LRBA: variants seen among roughly 807,000 people sequenced by gnomAD.
The protein encoded by LRBA is lipopolysaccharide-responsive and beige-like anchor protein.
LRBA carries 176 observed loss-of-function variants against 330.0 expected under a neutral mutation model. The ratio of observed to expected loss-of-function variants is 0.53; its 90% confidence interval spans 0.47 to 0.60. The LOEUF is 0.60. Among genes scored for constraint, LRBA ranks in the 20% least tolerant of loss-of-function variants. The probability of loss-of-function intolerance (pLI) is 0.00; values close to 1 mark genes in which losing one functional copy is unlikely to be tolerated. For missense variants in LRBA, 3,259 were observed against 3,444.8 expected, an observed-to-expected ratio of 0.95 and a Z score of 1.35; for synonymous variants, 1,230 against 1,193.0, an observed-to-expected ratio of 1.03 and a Z score of -0.64.
At chr4:150,509,439 T>G (rs573477249) in intron 40 of LRBA, among the ~76,000 whole-genome samples, 1 of 152,076 alleles carries the variant, frequency 6.6e-6, no homozygotes, top group East Asian at 1.9e-4. Flanking sequence ...TAAATGCATA[T>G]ATTAATGTGA....
chr4:150,456,190 G>A (rs759197490), intron 44 of LRBA, among the ~76,000 whole-genome samples: 1 of 152,120 alleles, frequency 6.6e-6, no homozygotes, highest in Non-Finnish European at 1.5e-5. Flanking sequence ...TATACACCTA[G>A]AAGTGGAATT....
chr4:150,831,942 G>T lies in LRBA; in HGVS notation c.4604C>A (p.Ala1535Glu). ...DSKQAQFLAL[A>E]VVYFISVLMV... The stretch of plus-strand genomic sequence containing the variant: ...AAGAACAGAGATAAAGTATACTACT[G>T]CCAAGGCTAAAAATTGAGCTTGTTT... The change falls in exon 29 of 57, where the codon GCA becomes GAA. Residue 1535 changes from alanine to glutamate, a missense_variant. Physicochemically the swap from Ala to Glu is moderately radical, Grantham distance 107. Coordinates refer to ENST00000651943, the MANE Select transcript of LRBA (RefSeq NM_001364905.1). The T allele has an allele frequency of 6.5e-7, 1 of 1,549,654 alleles. No individual in the cohort carries two copies. The highest frequency in any genetic ancestry group is 1.3e-5 in the South Asian group (1 of 78,272).
At chr4:150,702,574 T>C (rs983638135) in intron 36 of LRBA, among the ~76,000 whole-genome samples, 10 of 152,210 alleles carry the variant, frequency 6.6e-5, no homozygotes, top group African/African-American at 2.2e-4. Flanking sequence ...GAACCTCATA[T>C]TATTACAAAG....
chr4:150,941,251 C>T (rs1203217303), intron 2 of LRBA, among the ~76,000 whole-genome samples: 1 of 152,056 alleles, frequency 6.6e-6, no homozygotes, highest in Non-Finnish European at 1.5e-5. Context: ...CTCCTGGGTT[C>T]AAGCGATTCT....
intron 51 of LRBA, among the ~76,000 whole-genome samples, chr4:150,313,104 A>C (rs985873979): frequency 2.6e-5 from 4 of 152,142 alleles, no homozygotes; most frequent in African/African-American, 9.6e-5. Context: ...AATTTTGCAA[A>C]CACATTTTTA....
intron 36 of LRBA, among the ~76,000 whole-genome samples, chr4:150,719,312 A>G (rs1413328240): frequency 6.6e-6 from 1 of 151,912 alleles, no homozygotes; most frequent in Non-Finnish European, 1.5e-5. Flanking sequence ...CCACCACCAC[A>G]ATCACTAAAT....
chr4:150,740,426 A>G (rs573103271), intron 35 of LRBA, among the ~76,000 whole-genome samples: 2 of 152,120 alleles, frequency 1.3e-5, no homozygotes, highest in Non-Finnish European at 2.9e-5. Flanking sequence ...AAAAATCCAA[A>G]AGAAAAATGT....
chr4:150,448,256 C>T (rs1752854039), intron 44 of LRBA, among the ~76,000 whole-genome samples: 1 of 152,140 alleles, frequency 6.6e-6, no homozygotes, highest in Non-Finnish European at 1.5e-5. Flanking sequence ...GTGGCAATTT[C>T]GGTACCACAA....
At chr4:150,921,874 C>A (rs546115020) in intron 4 of LRBA, among the ~76,000 whole-genome samples, 29 of 152,204 alleles carry the variant, frequency 1.9e-4, no homozygotes, top group African/African-American at 6.7e-4. Context: ...TACAGGTGCA[C>A]GCCACCACAC....
chr4:150,583,145 C>T lies in LRBA; in HGVS notation c.6330+4903G>A. ...ATCCGAGAGGTCTGTAAGGTGGTCT[C>T]GGACGTGCTCAAGGAAGTGGAGGTG... On this transcript the variant is annotated intron_variant, in intron 40 of 56. Coordinates refer to ENST00000651943, the MANE Select transcript of LRBA (RefSeq NM_001364905.1). The surrounding 1 kb of genome is among the most constrained non-coding windows in gnomAD (Gnocchi z 9.8). The T allele has an allele frequency of 1.2e-6, 2 of 1,614,184 alleles. No homozygotes were observed. The highest frequency in any genetic ancestry group is 1.7e-6 in the Non-Finnish European group (2 of 1,180,012).
At position 150,852,748 on chromosome 4, in the gene LRBA, T is replaced by C. The variant is rs147617706; in HGVS notation, c.2962A>G (p.Asn988Asp). Residue 988 changes from asparagine (N) to aspartate (D), a missense_variant, in exon 23 of 57, where the codon AAT becomes GAT. Physicochemically the swap from Asn to Asp is conservative, Grantham distance 23. Transcript: ENST00000651943. ...DSPVCPHFTTNGNENSSIEKT... is the reference protein window; with the variant it reads ...DSPVCPHFTTDGNENSSIEKT... ...TCTATACTTGAATTTTCATTACCAT[T>C]TGTGGTGAAATGAGGACAGACAGGA... is the stretch of plus-strand genomic sequence containing the variant. 5.6e-6 allele frequency: 9 copies of C among 1,613,820 alleles called. No individual in the cohort carries two copies. The highest frequency in any genetic ancestry group is 2.7e-5 in the African/African-American group (2 of 74,914).
intron 36 of LRBA, 138 bp downstream of exon 36, chr4:150,735,120 C>T: frequency 1.5e-6 from 1 of 665,316 alleles, no homozygotes; most frequent in Non-Finnish European, 2.7e-6. Context: ...ACCCCCATGA[C>T]TCTCCTATAA....
chr4:150,941,643 T>C (rs1405390167), intron 2 of LRBA, among the ~76,000 whole-genome samples: 1 of 152,108 alleles, frequency 6.6e-6, no homozygotes, highest in African/African-American at 2.4e-5. Context: ...TCCCAGCACT[T>C]TGGGAGGCAG....
chr4:150,629,042 C>G (rs565733822), intron 37 of LRBA, among the ~76,000 whole-genome samples: 54 of 152,144 alleles, frequency 3.5e-4, no homozygotes, highest in African/African-American at 9.9e-4. Flanking sequence ...GACTACAGCT[C>G]AATGTCACCA....
chr4:150,857,242 A>C (rs1416071194), intron 22 of LRBA, among the ~76,000 whole-genome samples: 2 of 152,134 alleles, frequency 1.3e-5, no homozygotes, highest in Non-Finnish European at 2.9e-5. Context: ...AATGATTGCC[A>C]CCACATTAAT....
chr4:150,852,715 T>C lies in LRBA; in HGVS notation c.2995A>G (p.Ser999Gly). Reference protein sequence around the residue: ...GNENSSIEKTSSLESASNIEL... With the variant: ...GNENSSIEKTGSLESASNIEL... ...ATATTAGATGCAGATTCTAGTGAAC[T>C]TGTCTTCTCTATACTTGAATTTTCA... is the stretch of plus-strand genomic sequence containing the variant. Residue 999 changes from serine to glycine, a missense_variant, in exon 23 of 57, where the codon AGT (serine) becomes GGT (glycine). By Grantham distance (56) the Ser-to-Gly change is moderately conservative. Coordinates refer to ENST00000651943, the MANE Select transcript of LRBA (RefSeq NM_001364905.1). The C allele has an allele frequency of 1.2e-6, 2 of 1,613,942 alleles. No homozygotes were observed. Among genetic ancestry groups the C allele is most frequent in the Non-Finnish European group, 1.7e-6 (2 of 1,179,838 alleles).
intron 2 of LRBA, among the ~76,000 whole-genome samples, chr4:150,989,305 T>C (rs959883057): frequency 1.3e-5 from 2 of 151,826 alleles, no homozygotes; most frequent in East Asian, 1.9e-4. Flanking sequence ...AGCCCCCAAG[T>C]AGGTGTTTTA....
chr4:150,721,620 A>G (rs749191604), intron 36 of LRBA: 39 of 175,808 alleles, frequency 2.2e-4, no homozygotes, highest in Non-Finnish European at 3.6e-4. Flanking sequence ...TTATTTATTT[A>G]CTTATTTTTC....
At position 150,850,814 on chromosome 4, in the gene LRBA, C is replaced by G. The variant is rs144754728; in HGVS notation, c.3914G>C (p.Arg1305Pro). The change falls in exon 24 of 57, where the codon CGT (arginine) becomes CCT (proline). Residue 1305 changes from arginine to proline, a missense_variant. Transcript: ENST00000651943. ...CTGAGACCAGTTGAACTCAGGAATA[C>G]GAAACACAGTAGATCTGGAATCCCT... ...QRRDSRSTVF[R>P]IPEFNWSQMH... The G allele has an allele frequency of 2.5e-6, 4 of 1,613,618 alleles. No individual in the cohort carries two copies. In the Admixed American group the frequency reaches 6.7e-5, roughly 27 times the overall value.
Sources: gnomAD v4.1 joint callset for allele counts (sites outside exome capture counted in the v4.1 genomes callset) on GRCh38, gnomAD v4.1.1 for gene constraint, Gnocchi (gnomAD v3.1) non-coding constraint, MANE v1.5 for transcripts, NCBI Gene and HGNC (gene_info 2026-07-23, HGNC 2026-07-21) for gene names.